Variants in ATP10B observed in about 807,000 individuals in gnomAD.
ATP10B encodes phospholipid-transporting ATPase VB.
ATP10B carries 122 observed loss-of-function variants against 141.2 expected under a neutral mutation model. The ratio of observed to expected loss-of-function variants is 0.86; its 90% CI spans 0.75 to 1.00. The LOEUF is 1.00. Ranked by LOEUF, ATP10B falls within the 50% of genes least tolerant of loss-of-function variation. The pLI is 0.00. For synonymous variants in ATP10B, 685 were observed against 692.0 expected, an observed-to-expected ratio of 0.99 and a Z score of 0.16; for missense variants, 1,876 against 1,825.3, an observed-to-expected ratio of 1.03 and a Z score of -0.51.
At chr5:160,741,309 T>C (rs371301749) in intron 2 of ATP10B, among the ~76,000 whole-genome samples, 1 of 152,380 alleles carries the variant, frequency 6.6e-6, no homozygotes, top group African/African-American at 2.4e-5. Flanking sequence ...CCTCTCATTT[T>C]GTTAATGCCA....
the ATP10B span, among the ~76,000 whole-genome samples, chr5:160,861,690 A>G: frequency 6.6e-6 from 1 of 151,890 alleles, no homozygotes; most frequent in African/African-American, 2.4e-5. Flanking sequence ...ATTGATAAGA[A>G]AAAAGGTAAT....
At chr5:160,897,056 G>A in the ATP10B span, among the ~76,000 whole-genome samples, 1 of 152,212 alleles carries the variant, frequency 6.6e-6, no homozygotes, top group Admixed American at 6.5e-5. Context: ...AATAATAAGA[G>A]CCATTTATGA....
At chr5:160,817,448 C>T (rs1450672519) in intron 1 of ATP10B, among the ~76,000 whole-genome samples, 19 of 151,860 alleles carry the variant, frequency 1.3e-4, no homozygotes, top group Non-Finnish European at 2.7e-4. Flanking sequence ...TTACAAGGGA[C>T]ATGAAGGACC....
the ATP10B span, among the ~76,000 whole-genome samples, chr5:160,890,810 G>T: frequency 6.6e-6 from 1 of 152,000 alleles, no homozygotes; most frequent in South Asian, 2.1e-4. Flanking sequence ...TAACTCCTGA[G>T]TACAAGTGAT....
chr5:160,602,714 G>T lies in ATP10B; in HGVS notation c.3238-12C>A. 1 of 1,613,616 alleles carries T rather than the reference G, an allele frequency of 6.2e-7. No homozygotes were observed. The highest frequency in any genetic ancestry group is 8.5e-7 in the Non-Finnish European group (1 of 1,179,648). On this transcript the variant is annotated splice_polypyrimidine_tract_variant and intron_variant, in intron 20 of 25. Transcript: ENST00000327245. ...CTGGACATGACAGCCTGAGAGGTGA[G>T]AACAGACACATCAGCTTCCATCCAT... is the stretch of plus-strand genomic sequence containing the variant.
intron 2 of ATP10B, among the ~76,000 whole-genome samples, chr5:160,755,241 C>T (rs1353717908): frequency 6.6e-6 from 1 of 150,378 alleles, no homozygotes; most frequent in East Asian, 2.1e-4. Flanking sequence ...TTTAAAGGAT[C>T]AGATCTCCTG....
intron 5 of ATP10B, chr5:160,686,837 C>A: frequency 4.0e-6 from 2 of 502,320 alleles, no homozygotes; most frequent in South Asian, 8.6e-5. Context: ...TGGAGCATAG[C>A]AGTTGCTCAG....
In ATP10B at chr5:160,589,630, T is replaced by G. The variant is rs1756143476; in HGVS notation, c.3712A>C (p.Thr1238Pro). ...GTPINTISLT[T>P]ILLHQAMEMK... is the part of the protein sequence containing the mutation. The stretch of plus-strand genomic sequence containing the variant: ...TCCATTGCCTGGTGCAAAAGGATTG[T>G]GGTGAGGGAGATGGTGTTGATTGGT... The change falls in exon 24 of 26, where the codon ACA becomes CCA. Residue 1238 changes from threonine to proline, a missense_variant. Coordinates refer to ENST00000327245, the MANE Select transcript of ATP10B (RefSeq NM_025153.3). 1 of 1,614,032 alleles carries G rather than the reference T, an allele frequency of 6.2e-7. No individual in the cohort carries two copies. Among genetic ancestry groups the G allele is most frequent in the Non-Finnish European group, 8.5e-7 (1 of 1,179,978 alleles).
At chr5:160,794,195 TAGAC>T (rs144969429) in intron 1 of ATP10B, among the ~76,000 whole-genome samples, 21 of 152,300 alleles carry the variant, frequency 1.4e-4, no homozygotes, top group Non-Finnish European at 2.8e-4. Context: ...AGTAATGAAT[TAGAC>T]AGACAATGTC....
At chr5:160,929,281 T>C in the ATP10B span, among the ~76,000 whole-genome samples, 7 of 151,924 alleles carry the variant, frequency 4.6e-5, no homozygotes, top group Non-Finnish European at 8.8e-5. Context: ...TCCTTGGGTG[T>C]TTTTTTTCTG....
chr5:160,731,618 C>T (rs972595904), intron 2 of ATP10B, among the ~76,000 whole-genome samples: 1 of 152,094 alleles, frequency 6.6e-6, no homozygotes, highest in African/African-American at 2.4e-5. Context: ...GGTGCCAGTG[C>T]AGTTGGTTAA....
chr5:160,818,866 G>A (rs970708357), intron 1 of ATP10B, among the ~76,000 whole-genome samples: 1 of 152,098 alleles, frequency 6.6e-6, no homozygotes, highest in Non-Finnish European at 1.5e-5. Context: ...GGATGAAGCT[G>A]GAAACCATCA....
At chr5:160,881,792 C>G in the ATP10B span, among the ~76,000 whole-genome samples, 1 of 151,696 alleles carries the variant, frequency 6.6e-6, no homozygotes, top group African/African-American at 2.4e-5. Context: ...GCCTGGGTGA[C>G]AGAGCAAGAC....
the ATP10B span, among the ~76,000 whole-genome samples, chr5:160,859,418 T>C: frequency 6.6e-6 from 1 of 151,902 alleles, no homozygotes; most frequent in African/African-American, 2.4e-5. Context: ...AGTTTAATTA[T>C]ATCTTGGTGT....
intron 5 of ATP10B, 61 bp from the exon 6 acceptor site, chr5:160,686,334 C>A: frequency 8.0e-7 from 1 of 1,250,498 alleles, no homozygotes; most frequent in Non-Finnish European, 1.1e-6. Flanking sequence ...CTTTCTCCCC[C>A]ATTTCTTCCC....
At chr5:160,804,831 G>T (rs190147661) in intron 1 of ATP10B, among the ~76,000 whole-genome samples, 1 of 152,286 alleles carries the variant, frequency 6.6e-6, no homozygotes, top group East Asian at 1.9e-4. Flanking sequence ...TGATGTTATT[G>T]TGAAGGCTAG....
intron 1 of ATP10B, among the ~76,000 whole-genome samples, chr5:160,844,550 GT>G (rs35139185): frequency 2.7e-3 from 392 of 143,296 alleles, no homozygotes; most frequent in African/African-American, 7.8e-3. Flanking sequence ...TAAATACTTT[GT>G]TTTTTTTTTT....
chr5:160,796,027 G>A (rs76828904), intron 1 of ATP10B, among the ~76,000 whole-genome samples: 1,694 of 152,220 alleles, frequency 0.011, 39 homozygotes, highest in African/African-American at 0.039. Context: ...CAGACCCCAC[G>A]TTGAGGCCAG....
Position 160,591,129 on chromosome 5 carries a change from A to G in ATP10B, c.3575T>C (p.Leu1192Pro). The G allele has an allele frequency of 6.2e-7, 1 of 1,613,860 alleles. No homozygotes were observed. The highest frequency in any genetic ancestry group is 8.5e-7 in the Non-Finnish European group (1 of 1,179,858). ...KSGQNSECYN[L>P]STFWISMVDA... ...CACCATAGAAATCCAGAAAGTCGAC[A>G]GGTTATAGCACTGCCAGGAGAGAAC... Residue 1192 changes from leucine to proline, a missense_variant, in exon 23 of 26, where the codon CTG becomes CCG. Coordinates refer to ENST00000327245, the MANE Select transcript of ATP10B (RefSeq NM_025153.3).
Sources: allele counts gnomAD v4.1 joint callset (sites outside exome capture counted in the v4.1 genomes callset), GRCh38; gene constraint gnomAD v4.1.1; transcripts MANE v1.5; gene names NCBI Gene and HGNC (gene_info 2026-07-23, HGNC 2026-07-21).